MEGF11: variants seen among roughly 807,000 people sequenced by gnomAD.
MEGF11 encodes the protein multiple epidermal growth factor-like domains protein 11.
Under a neutral mutation model 146.6 loss-of-function variants are expected in MEGF11, and 126 were observed. The ratio of observed to expected loss-of-function variants is 0.86; its 90% CI spans 0.74 to 1.00. The LOEUF (loss-of-function observed/expected upper bound fraction) is 1.00, where lower values mean the gene tolerates loss of function less well. MEGF11 is among the 50% of genes least tolerant of loss of function. The pLI is 0.00. For missense variants in MEGF11, 1,509 were observed against 1,521.2 expected (o/e 0.99, Z 0.13); for synonymous variants, 532 against 583.4 (o/e 0.91, Z 1.27).
At chr15:66,094,611 C>T (rs541587716) in intron 4 of MEGF11, 117 bp from the exon 5 acceptor site, 40 of 808,436 alleles carry the variant, frequency 4.9e-5, no homozygotes, top group African/African-American at 4.1e-4. Context: ...ATGCTTAGAA[C>T]GCATGACTGG....
At chr15:66,059,158 A>T (rs2084799448) in intron 5 of MEGF11, among the ~76,000 whole-genome samples, 1 of 152,176 alleles carries the variant, frequency 6.6e-6, no homozygotes, top group Admixed American at 6.5e-5. Context: ...ACCTTAACTC[A>T]CATGGAGGAC....
chr15:65,945,624 G>C (rs765005598), intron 10 of MEGF11, among the ~76,000 whole-genome samples: 100 of 152,178 alleles, frequency 6.6e-4, no homozygotes, highest in Non-Finnish European at 3.4e-4. Flanking sequence ...TGTTTATTAT[G>C]AGTGTTTTGT....
intron 1 of MEGF11, among the ~76,000 whole-genome samples, chr15:66,204,917 G>T (rs2091261339): frequency 6.7e-6 from 1 of 150,320 alleles, no homozygotes; most frequent in Non-Finnish European, 1.5e-5. Flanking sequence ...GAGGGAAGAG[G>T]CCAAAGCAAC....
At chr15:66,086,192 T>C (rs1340922213) in intron 5 of MEGF11, among the ~76,000 whole-genome samples, 1 of 152,132 alleles carries the variant, frequency 6.6e-6, no homozygotes, top group African/African-American at 2.4e-5. Context: ...GAATAATCAG[T>C]GTTCCTGAGG....
At chr15:66,085,320 C>T (rs1320324028) in intron 5 of MEGF11, among the ~76,000 whole-genome samples, 4 of 152,162 alleles carry the variant, frequency 2.6e-5, no homozygotes, top group African/African-American at 9.7e-5. Flanking sequence ...CTCCACATTA[C>T]TATAGCTGAT....
chr15:66,249,141 T>A (rs1406048257), intron 1 of MEGF11, among the ~76,000 whole-genome samples: 1 of 152,194 alleles, frequency 6.6e-6, no homozygotes, highest in African/African-American at 2.4e-5. Context: ...TTTCAAAACA[T>A]TTTGAGATGC....
At chr15:66,098,018 C>T (rs763840632) in intron 4 of MEGF11, among the ~76,000 whole-genome samples, 2 of 152,178 alleles carry the variant, frequency 1.3e-5, no homozygotes, top group African/African-American at 4.8e-5. Context: ...GGAGTAAAAG[C>T]CTCCATGATA....
chr15:66,022,058 G>C (rs925186504), intron 5 of MEGF11, among the ~76,000 whole-genome samples: 10 of 152,142 alleles, frequency 6.6e-5, no homozygotes, highest in African/African-American at 2.4e-4. Context: ...CCAGGCAGGT[G>C]GTGGGTCTGG....
At chr15:66,082,042 G>C (rs912599129) in intron 5 of MEGF11, among the ~76,000 whole-genome samples, 3 of 152,116 alleles carry the variant, frequency 2.0e-5, no homozygotes, top group Non-Finnish European at 2.9e-5. Context: ...CGAGCCTCCA[G>C]AACTGTGAGA....
intron 1 of MEGF11, among the ~76,000 whole-genome samples, chr15:66,185,225 C>A (rs2090663261): frequency 6.6e-6 from 1 of 152,138 alleles, no homozygotes; most frequent in Non-Finnish European, 1.5e-5. Flanking sequence ...CTGCACCCTC[C>A]TCCCACCCTG....
chr15:66,101,414 T>G (rs2044710456), intron 4 of MEGF11, among the ~76,000 whole-genome samples: 1 of 152,138 alleles, frequency 6.6e-6, no homozygotes, highest in Non-Finnish European at 1.5e-5. Context: ...CTTGTGTACA[T>G]TTCACATAAA....
chr15:66,187,374 C>G (rs1168543042), intron 1 of MEGF11, among the ~76,000 whole-genome samples: 1 of 152,172 alleles, frequency 6.6e-6, no homozygotes, highest in Non-Finnish European at 1.5e-5. Flanking sequence ...CACAGGGGAG[C>G]CCAGCTCCCT....
chr15:66,173,716 G>A (rs746420362), intron 1 of MEGF11, among the ~76,000 whole-genome samples: 1 of 152,144 alleles, frequency 6.6e-6, no homozygotes, highest in Non-Finnish European at 1.5e-5. Context: ...CCAGGAAGGA[G>A]ACCAGTGAGG....
At chr15:65,910,672 G>A (rs1253755977) in intron 21 of MEGF11, among the ~76,000 whole-genome samples, 2 of 152,196 alleles carry the variant, frequency 1.3e-5, no homozygotes, top group African/African-American at 2.4e-5. Flanking sequence ...TGGCTTGATA[G>A]TGGTTGCCCT....
At chr15:66,030,530 C>T (rs1277921818) in intron 5 of MEGF11, among the ~76,000 whole-genome samples, 1 of 152,186 alleles carries the variant, frequency 6.6e-6, no homozygotes, top group East Asian at 1.9e-4. Context: ...CTGCCTCAGC[C>T]TCCGGAGTAG....
chr15:66,232,803 T>C (rs1163525009), intron 1 of MEGF11, among the ~76,000 whole-genome samples: 1 of 152,182 alleles, frequency 6.6e-6, no homozygotes. Flanking sequence ...AGTGCCATAC[T>C]TACCTGCCTT....
chr15:66,204,615 G>A (rs935806838), intron 1 of MEGF11, among the ~76,000 whole-genome samples: 1 of 152,128 alleles, frequency 6.6e-6, no homozygotes, highest in Non-Finnish European at 1.5e-5. Context: ...TACCTGTAAA[G>A]AGGGAATAAT....
intron 5 of MEGF11, among the ~76,000 whole-genome samples, chr15:66,006,584 G>C (rs990476366): frequency 2.0e-5 from 3 of 152,198 alleles, no homozygotes; most frequent in Non-Finnish European, 4.4e-5. Flanking sequence ...AAATCCTGCT[G>C]TTGTGTTGAG....
chr15:66,144,261 C>A (rs573621639), intron 1 of MEGF11, among the ~76,000 whole-genome samples: 1 of 152,194 alleles, frequency 6.6e-6, no homozygotes, highest in African/African-American at 2.4e-5. Flanking sequence ...CGGTGTTGTC[C>A]AAAAGCTCCC....
Sources: gnomAD v4.1 joint callset for allele counts (sites outside exome capture counted in the v4.1 genomes callset) on GRCh38, gnomAD v4.1.1 for gene constraint, MANE v1.5 for transcripts, NCBI Gene and HGNC (gene_info 2026-07-23, HGNC 2026-07-21) for gene names.